APBA2: variants seen among roughly 807,000 people sequenced by gnomAD.
The protein encoded by APBA2 is amyloid-beta A4 precursor protein-binding family A member 2.
APBA2 carries 30 observed loss-of-function variants against 75.0 expected under a neutral mutation model. That is an observed-to-expected ratio of 0.40 (90% CI 0.30 to 0.54). The LOEUF (loss-of-function observed/expected upper bound fraction) is 0.54, where lower values mean the gene tolerates loss of function less well. Among genes scored for constraint, APBA2 ranks in the 20% least tolerant of loss-of-function variants. APBA2 has a pLI of 0.49. For missense variants in APBA2, 801 were observed against 1,016.1 expected, an observed-to-expected ratio of 0.79 and a Z score of 2.88; for synonymous variants, 444 against 409.6, an observed-to-expected ratio of 1.08 and a Z score of -1.01.
rs148660621 is a variant in APBA2, at chr15:29,054,316, G to A, written c.432G>A (p.Ser144=). 4.0e-5 allele frequency: 65 copies of A among 1,613,968 alleles called. No homozygotes were observed. The highest frequency in any genetic ancestry group is 5.2e-5 in the Non-Finnish European group (61 of 1,179,978). The change falls in exon 4 of 15, where the codon TCG becomes TCA. Residue 144 remains serine, a synonymous_variant. Transcript: ENST00000683413. This position sits in a 1 kb window ranked among gnomAD's most constrained non-coding sequence, Gnocchi z 6.1. ...AGGCGGTGGAGGAGTGGACGGACTC[G>A]GCGGGCCCGCACCCCCACGGCCACG... ...CQEAVEEWTD[S]AGPHPHGHEA...
At chr15:29,070,785 C>T (rs1595889425) in intron 4 of APBA2, 3 of 269,324 alleles carry the variant, frequency 1.1e-5, no homozygotes, top group South Asian at 3.7e-5. Context: ...GGGTCTCGGC[C>T]GCCCCTTCTG....
At chr15:28,950,305 G>A (rs2035787103) in intron 2 of APBA2, among the ~76,000 whole-genome samples, 1 of 152,174 alleles carries the variant, frequency 6.6e-6, no homozygotes, top group Non-Finnish European at 1.5e-5. Context: ...GCTGGCTGAG[G>A]TAGCATGTGC....
rs756243400 is a variant in APBA2 at position 28,924,551 on chromosome 15, A to G, written c.-95+2802A>G. On this transcript the variant is annotated intron_variant, in intron 2 of 14. Coordinates refer to ENST00000683413, the MANE Select transcript of APBA2 (RefSeq NM_001353788.2). ...TTCTTTCTGGCTTCTTTGGCTTAGC[A>G]TGAAGTTTATGTGGATGACCCATGT... Among the ~76,000 whole-genome samples the G allele has an allele frequency of 2.0e-5, 3 of 152,332 alleles. No homozygotes were observed. In the South Asian group the frequency reaches 6.2e-4, roughly 32 times the overall value.
intron 2 of APBA2, among the ~76,000 whole-genome samples, chr15:28,978,119 CCT>C (rs1237699149): frequency 6.6e-6 from 1 of 152,182 alleles, no homozygotes; most frequent in Non-Finnish European, 1.5e-5. Context: ...TTCCATTCTC[CCT>C]CTCTCTGTTT....
At chr15:28,983,457 C>T (rs1382040317) in intron 2 of APBA2, among the ~76,000 whole-genome samples, 2 of 152,182 alleles carry the variant, frequency 1.3e-5, no homozygotes, top group African/African-American at 4.8e-5. Context: ...TTCTGTGTTT[C>T]TTTTCAGCAT....
chr15:29,060,475 C>T (rs1473570134), intron 4 of APBA2, among the ~76,000 whole-genome samples: 2 of 152,206 alleles, frequency 1.3e-5, no homozygotes, highest in African/African-American at 4.8e-5. Context: ...TTGAGCCTGC[C>T]TGCTGGAGGG....
intron 2 of APBA2, among the ~76,000 whole-genome samples, chr15:28,936,392 C>T (rs1207398741): frequency 1.3e-5 from 2 of 152,194 alleles, no homozygotes; most frequent in East Asian, 3.8e-4. Flanking sequence ...TGTGCACAGC[C>T]AGGAGCAGAG....
At chr15:28,922,733 A>C (rs1052528655) in intron 2 of APBA2, among the ~76,000 whole-genome samples, 1 of 152,064 alleles carries the variant, frequency 6.6e-6, no homozygotes, top group Non-Finnish European at 1.5e-5. Context: ...ATCCTGCTCC[A>C]CACCCTCTCT....
chr15:28,992,359 C>G lies in APBA2; in HGVS notation c.-94-3394C>G, dbSNP rs568686757. ...ATCGTCTTCTTTAAGGAATATTTAGCATTTCTGCTCATTCCAGAGTCCCTG... is the reference window on the plus strand; with the variant it reads ...ATCGTCTTCTTTAAGGAATATTTAGGATTTCTGCTCATTCCAGAGTCCCTG... On this transcript the variant is annotated intron_variant, in intron 2 of 14. Coordinates refer to ENST00000683413, the MANE Select transcript of APBA2 (RefSeq NM_001353788.2). 2.6e-5 allele frequency among the ~76,000 whole-genome samples: 4 copies of G among 152,318 alleles called. No individual in the cohort carries two copies. In the East Asian group the frequency reaches 7.7e-4, roughly 29 times the overall value.
intron 2 of APBA2, among the ~76,000 whole-genome samples, chr15:28,951,386 C>T (rs2035863379): frequency 1.3e-5 from 2 of 152,070 alleles, no homozygotes; most frequent in African/African-American, 4.8e-5. Context: ...TGAATTTTTC[C>T]TACCCAGTCC....
chr15:29,052,765 C>T (rs1044233227), intron 3 of APBA2, among the ~76,000 whole-genome samples: 1 of 152,072 alleles, frequency 6.6e-6, no homozygotes, highest in Non-Finnish European at 1.5e-5. Flanking sequence ...CTGGGAAGTC[C>T]AAGGTCAAGG....
intron 2 of APBA2, among the ~76,000 whole-genome samples, chr15:28,923,367 G>A (rs557456408): frequency 2.0e-5 from 3 of 152,096 alleles, no homozygotes; most frequent in Non-Finnish European, 4.4e-5. Context: ...GGTTGAACTC[G>A]TAGATTTCCC....
intron 3 of APBA2, among the ~76,000 whole-genome samples, chr15:29,035,968 G>A (rs2040728232): frequency 6.6e-6 from 1 of 152,124 alleles, no homozygotes; most frequent in Non-Finnish European, 1.5e-5. Context: ...GGGAAGCTTT[G>A]GCAACCTTCC....
chr15:28,912,121 T>G (rs1846858027), intron 1 of APBA2, among the ~76,000 whole-genome samples: 1 of 152,220 alleles, frequency 6.6e-6, no homozygotes, highest in Non-Finnish European at 1.5e-5. Flanking sequence ...TGACTTCTAT[T>G]AAATGGGCTT....
In APBA2 at chr15:29,097,756, A is replaced by T. The variant is rs977751320; in HGVS notation, c.1252-734A>T. 2.6e-5 allele frequency among the ~76,000 whole-genome samples: 4 copies of T among 151,938 alleles called. No homozygotes were observed. The South Asian group carries it at 6.3e-4, about 24-fold the overall frequency. On this transcript the variant is annotated intron_variant, in intron 8 of 14. Coordinates refer to ENST00000683413, the MANE Select transcript of APBA2 (RefSeq NM_001353788.2). ...CCATGATGCACAATAGATCTCTTGA[A>T]CTCATTTCTCCTGTCTAGCAGGAGC...
rs1227254703 is a variant in APBA2, at chr15:28,915,934, C to T, written c.-204-5706C>T. On this transcript the variant is annotated intron_variant, in intron 1 of 14. Coordinates refer to ENST00000683413, the MANE Select transcript of APBA2 (RefSeq NM_001353788.2). ...ATACTACACAGTTACCACATACACA[C>T]CACACACTCACTACCCACCACATCA... Among the ~76,000 whole-genome samples the T allele has an allele frequency of 3.1e-3, 465 of 152,206 alleles. 3 individuals are homozygous for T. The highest frequency in any genetic ancestry group is 0.011 in the African/African-American group (455 of 41,522).
intron 2 of APBA2, among the ~76,000 whole-genome samples, chr15:28,965,496 T>C (rs909093569): frequency 3.9e-5 from 6 of 152,200 alleles, no homozygotes; most frequent in Non-Finnish European, 8.8e-5. Flanking sequence ...ATAAGTTTGT[T>C]TGCATCTACA....
intron 1 of APBA2, among the ~76,000 whole-genome samples, chr15:28,899,128 A>G (rs770665247): frequency 4.6e-5 from 7 of 152,164 alleles, no homozygotes; most frequent in Non-Finnish European, 8.8e-5. Context: ...CGCATGGAGA[A>G]CTCATCGGGG....
chr15:28,897,490 C>T (rs149655996), intron 1 of APBA2, among the ~76,000 whole-genome samples: 2,354 of 151,716 alleles, frequency 0.016, 55 homozygotes, highest in African/African-American at 0.053. Context: ...TGGTGGCGGG[C>T]GCCTATAACC....
Sources: gnomAD v4.1 joint callset for allele counts (sites outside exome capture counted in the v4.1 genomes callset) on GRCh38, gnomAD v4.1.1 for gene constraint, Gnocchi (gnomAD v3.1) non-coding constraint, MANE v1.5 for transcripts, NCBI Gene and HGNC (gene_info 2026-07-23, HGNC 2026-07-21) for gene names.